Variants in PLEKHM1 observed in about 807,000 individuals in gnomAD.
The protein encoded by PLEKHM1 is pleckstrin homology domain-containing family M member 1.
A neutral mutation model predicts 94.3 loss-of-function variants in PLEKHM1; 28 were observed. The observed-to-expected ratio is 0.30, with a 90% CI of 0.22 to 0.41. The LOEUF (loss-of-function observed/expected upper bound fraction) is 0.41. Among genes scored for constraint, PLEKHM1 ranks in the 10% least tolerant of loss-of-function variants. The probability of loss-of-function intolerance (pLI) is 1.00; values close to 1 mark genes in which losing one functional copy is unlikely to be tolerated. For synonymous variants in PLEKHM1, 424 were observed against 581.2 expected, an observed-to-expected ratio of 0.73 and a Z score of 3.89; for missense variants, 907 against 1,358.6, an observed-to-expected ratio of 0.67 and a Z score of 5.22.
intron 5 of PLEKHM1, among the ~76,000 whole-genome samples, chr17:45,462,200 T>C (rs1342998526): frequency 6.6e-6 from 1 of 152,168 alleles, no homozygotes; most frequent in African/African-American, 2.4e-5. Context: ...CTCACAGAAC[T>C]AGGTCCCCAG....
rs960796123 is a variant in PLEKHM1 at position 45,478,013 on chromosome 17, G to T, written c.183C>A (p.Gly61=). The stretch of plus-strand genomic sequence containing the variant: ...CAGCTCGGATGTGCTTGGCGTGCAG[G>T]CCATGGATAAATACGGCCTCCAGGG... The part of the protein sequence containing the change: ...CSALEAVFIH[G]LHAKHIRAEA... Residue 61 remains glycine (G), a synonymous_variant, in exon 3 of 12, where the codon GGC becomes GGA. Transcript: ENST00000430334. The T allele has an allele frequency of 5.0e-6, 8 of 1,614,058 alleles. No individual in the cohort carries two copies. In the African/African-American group the frequency reaches 1.1e-4, roughly 22 times the overall value.
At chr17:45,471,125 T>C (rs1163572378) in intron 4 of PLEKHM1, among the ~76,000 whole-genome samples, 1 of 152,108 alleles carries the variant, frequency 6.6e-6, no homozygotes, top group Non-Finnish European at 1.5e-5. Context: ...AATGTTTAAA[T>C]GGGCAAACGA....
chr17:45,487,525 T>C (rs1391782132), intron 1 of PLEKHM1, among the ~76,000 whole-genome samples: 2 of 152,234 alleles, frequency 1.3e-5, no homozygotes, highest in African/African-American at 2.4e-5. Context: ...ATCAGGTTTA[T>C]AGCCCCAACC....
At chr17:45,439,297 C>T (rs142710261) in intron 11 of PLEKHM1, among the ~76,000 whole-genome samples, 180 bp downstream of exon 11, 1 of 152,366 alleles carries the variant, frequency 6.6e-6, no homozygotes, top group East Asian at 1.9e-4. Context: ...CTGGAGCTGG[C>T]CATGACTGCC....
In PLEKHM1 at chr17:45,437,804, G is replaced by T; in HGVS notation, c.*54C>A. ...CTGGGCTGATGGCAAACCCAGCCGG[G>T]ATGGCTGAGCCACACTCACCCCCGG... On this transcript the variant is annotated 3_prime_UTR_variant, in exon 12 of 12. Transcript: ENST00000430334. This position sits in a 1 kb window ranked among gnomAD's most constrained non-coding sequence, Gnocchi z 4.0. 1 of 1,387,000 alleles carries T rather than the reference G, an allele frequency of 7.2e-7. No homozygotes were observed. Among genetic ancestry groups the T allele is most frequent in the East Asian group, 2.3e-5 (1 of 43,872 alleles). 85.9% of individuals were successfully genotyped at this position (1,387,000 alleles called of 1,614,324 possible).
Position 45,475,692 on chromosome 17 carries a change from C to A in PLEKHM1, c.331G>T (p.Val111Phe). 1 of 1,612,640 alleles carries A rather than the reference C, an allele frequency of 6.2e-7. No individual in the cohort carries two copies. Among genetic ancestry groups the A allele is most frequent in the Non-Finnish European group, 8.5e-7 (1 of 1,179,394 alleles). ...CGGCAGCGGCCCACATCCGTGTTGA[C>A]AAACGTCAGGTGCTCCAACTCTGAG... is the stretch of plus-strand genomic sequence containing the variant. ...IISELEHLTF[V>F]NTDVGRCRAW... Residue 111 changes from valine to phenylalanine, a missense_variant, in exon 4 of 12, where the codon GTC (valine) becomes TTC (phenylalanine). This residue lies in a region of PLEKHM1 where 176 missense variants were observed against 306.0 expected (regional missense o/e 0.58). Transcript: ENST00000430334.
intron 11 of PLEKHM1, among the ~76,000 whole-genome samples, chr17:45,438,969 A>G (rs1293353348): frequency 1.3e-5 from 2 of 152,246 alleles, no homozygotes; most frequent in African/African-American, 2.4e-5. Flanking sequence ...CTGCTCCCAC[A>G]TGGGTTGCAG....
intron 2 of PLEKHM1, among the ~76,000 whole-genome samples, chr17:45,480,017 T>C (rs1352125918): frequency 6.6e-6 from 1 of 152,196 alleles, no homozygotes; most frequent in Non-Finnish European, 1.5e-5. Context: ...TTATTTTGAT[T>C]TCAGCCAAAA....
At chr17:45,483,243 G>A (rs1405244349) in intron 1 of PLEKHM1, among the ~76,000 whole-genome samples, 4 of 151,990 alleles carry the variant, frequency 2.6e-5, no homozygotes, top group Non-Finnish European at 5.9e-5. Context: ...GCCTGTCACG[G>A]GGCCTGATAT....
At chr17:45,476,312 CCTT>C (rs1392285981) in intron 3 of PLEKHM1, among the ~76,000 whole-genome samples, 1 of 151,596 alleles carries the variant, frequency 6.6e-6, no homozygotes, top group Non-Finnish European at 1.5e-5. Context: ...TGTCAGAGCT[CCTT>C]AAGTGCAAAG....
At position 45,437,005 on chromosome 17, in the gene PLEKHM1, G is replaced by A. The variant is rs1163591507; in HGVS notation, c.*853C>T. 7 of 453,666 alleles carry A rather than the reference G, an allele frequency of 1.5e-5. No individual in the cohort carries two copies. The highest frequency in any genetic ancestry group is 7.0e-5 in the East Asian group (1 of 14,376). 28.1% of individuals were successfully genotyped at this position (453,666 alleles called of 1,614,324 possible). On this transcript the variant is annotated 3_prime_UTR_variant, in exon 12 of 12. Transcript: ENST00000430334. This position sits in a 1 kb window ranked among gnomAD's most constrained non-coding sequence, Gnocchi z 4.0. ...GTCTGTAGAGGGGTGAGGAGCGCAC[G>A]GGGATCGGGGGTGGGCAAGACGGCG...
At chr17:45,487,761 A>C (rs1235199614) in intron 1 of PLEKHM1, 7 of 455,984 alleles carry the variant, frequency 1.5e-5, no homozygotes, top group Non-Finnish European at 2.6e-5. Flanking sequence ...TGGTTCCACC[A>C]CTCTCAAAAC....
Position 45,475,291 on chromosome 17 carries a change from G to T in PLEKHM1, c.732C>A (p.Asn244Lys). The part of the protein sequence containing the change: ...VHHSGHKIRR[N>K]QKLTASSLSL... ...TGAGGGAGGAGGCAGTCAGCTTCTGGTTCCTCCGTATCTTATGGCCCGAGT... is the reference window on the plus strand; with the variant it reads ...TGAGGGAGGAGGCAGTCAGCTTCTGTTTCCTCCGTATCTTATGGCCCGAGT... Residue 244 changes from asparagine (N) to lysine (K), a missense_variant, in exon 4 of 12, where the codon AAC (asparagine) becomes AAA (lysine). Asn to Lys is a moderately conservative substitution (Grantham distance 94, BLOSUM62 0). Transcript: ENST00000430334. 2 of 1,613,986 alleles carry T rather than the reference G, an allele frequency of 1.2e-6. No individual in the cohort carries two copies. The highest frequency in any genetic ancestry group is 1.1e-5 in the South Asian group (1 of 91,076).
In PLEKHM1 at chr17:45,465,282, T is replaced by C. The variant is rs1411418854; in HGVS notation, c.1308+2927A>G. ...CTGTAATTGCACATAGTGATGAGTG[T>C]TATAAGCAAAGTCAAGCAGATGAAT... is the stretch of plus-strand genomic sequence containing the variant. On this transcript the variant is annotated intron_variant, in intron 5 of 11. Coordinates refer to ENST00000430334, the MANE Select transcript of PLEKHM1 (RefSeq NM_014798.3). 2.0e-5 allele frequency among the ~76,000 whole-genome samples: 3 copies of C among 151,712 alleles called. No homozygotes were observed. In the East Asian group the frequency reaches 5.8e-4, roughly 29 times the overall value.
intron 3 of PLEKHM1, 59 bp from the exon 4 acceptor site, chr17:45,475,785 T>C (rs1043022870): frequency 2.2e-5 from 33 of 1,505,848 alleles, no homozygotes; most frequent in Non-Finnish European, 2.9e-5. Flanking sequence ...AGATGTGCTT[T>C]TATCCACTGG....
chr17:45,489,192 G>A (rs1428149370), intron 1 of PLEKHM1, among the ~76,000 whole-genome samples: 1 of 152,116 alleles, frequency 6.6e-6, no homozygotes, highest in Non-Finnish European at 1.5e-5. Flanking sequence ...CGATTCAAGA[G>A]CCTCTGTACC....
chr17:45,439,822 A>G, intron 10 of PLEKHM1, 188 bp from the exon 11 acceptor site: 1 of 805,328 alleles, frequency 1.2e-6, no homozygotes, highest in African/African-American at 1.7e-5. Context: ...GAGCAATGCC[A>G]GCGTCCAGCC....
chr17:45,487,625 T>G (rs1437769039), intron 1 of PLEKHM1: 3 of 439,756 alleles, frequency 6.8e-6, no homozygotes, highest in African/African-American at 2.2e-5. Context: ...ACAGTTCCGG[T>G]TGGTTTCCTG....
At chr17:45,472,826 C>T (rs1257512944) in intron 4 of PLEKHM1, among the ~76,000 whole-genome samples, 17 of 152,188 alleles carry the variant, frequency 1.1e-4, no homozygotes, top group Admixed American at 3.9e-4. Flanking sequence ...GTAACACCAC[C>T]CAACGCTGGT....
Sources: gnomAD v4.1 joint callset for allele counts (sites outside exome capture counted in the v4.1 genomes callset) on GRCh38, gnomAD v4.1.1 for gene constraint, gnomAD v4.1.1 regional missense constraint, Gnocchi (gnomAD v3.1) non-coding constraint, MANE v1.5 for transcripts, NCBI Gene and HGNC (gene_info 2026-07-23, HGNC 2026-07-21) for gene names.